PLAGL1: variants seen among roughly 807,000 people sequenced by gnomAD.
The protein encoded by PLAGL1 is PLAG1 like zinc finger 1, also known as zinc finger protein PLAGL1.
PLAGL1 carries 1 observed loss-of-function variant against 4.6 expected under a neutral mutation model. That is an observed-to-expected ratio of 0.22 (90% CI 0.08 to 1.03). The LOEUF is 1.03. Ranked by LOEUF, PLAGL1 falls within the 50% of genes least tolerant of loss-of-function variation. The probability of loss-of-function intolerance (pLI) is 0.58; values close to 1 mark genes in which losing one functional copy is unlikely to be tolerated. For synonymous variants in PLAGL1, 240 were observed against 237.8 expected (o/e 1.01, Z -0.08); for missense variants, 464 against 570.4 (o/e 0.81, Z 1.90).
chr6:143,976,879 A>G (rs1054249908), intron 2 of PLAGL1, among the ~76,000 whole-genome samples: 5 of 152,246 alleles, frequency 3.3e-5, no homozygotes, highest in Non-Finnish European at 7.3e-5. Context: ...CTTCTCTTCT[A>G]ACATAGACAT....
At position 144,036,071 on chromosome 6, in the gene PLAGL1, G is replaced by C. The variant is rs1797216236; in HGVS notation, c.-151+28397C>G. Among the ~76,000 whole-genome samples, 1 of 152,122 alleles carries C rather than the reference G, an allele frequency of 6.6e-6. No individual in the cohort carries two copies. Among genetic ancestry groups the C allele is most frequent in the Non-Finnish European group, 1.5e-5 (1 of 68,022 alleles). On this transcript the variant is annotated intron_variant, in intron 1 of 3. Transcript: ENST00000437412. This position sits in a 1 kb window ranked among gnomAD's most constrained non-coding sequence, Gnocchi z 5.1. ...CCTCAATGCAGGACTCCAACCCCAA[G>C]AAAGTGCTTCAAGGACACCCCAGGT...
intron 1 of PLAGL1, among the ~76,000 whole-genome samples, chr6:144,029,862 G>C (rs1796669892): frequency 6.6e-6 from 1 of 152,154 alleles, no homozygotes; most frequent in South Asian, 2.1e-4. Flanking sequence ...CCACTTTTAA[G>C]AATATGTCCT....
chr6:143,943,586 A>T (rs1431644027), intron 7 of PLAGL1, among the ~76,000 whole-genome samples: 2 of 152,128 alleles, frequency 1.3e-5, no homozygotes, highest in Non-Finnish European at 2.9e-5. Flanking sequence ...CTTATCTCTG[A>T]TGCTGCTGCC....
rs950486615 is a variant in PLAGL1 at position 144,013,757 on chromosome 6, C to A, written c.-150-44779G>T. On this transcript the variant is annotated intron_variant, in intron 1 of 3. Coordinates refer to the PLAGL1 transcript ENST00000437412. This position sits in a 1 kb window ranked among gnomAD's most constrained non-coding sequence, Gnocchi z 4.4. ...CTTCTCTGTGCGTGCCATGTGCTTT[C>A]TCCTGTGTGTATCTCTCTTATAGGG... Among the ~76,000 whole-genome samples the A allele has an allele frequency of 2.0e-5, 3 of 152,236 alleles. No homozygotes were observed. The highest frequency in any genetic ancestry group is 1.9e-4 in the East Asian group (1 of 5,200).
Position 144,015,657 on chromosome 6 carries a change from G to T in PLAGL1, c.-150-46679C>A, listed in dbSNP as rs1344902237. Reference sequence around the variant, plus strand: ...AAACATCATTTCCCCAATGATTAATGCAAATCAAAACTACAGTGAAATACC... The same window carrying T: ...AAACATCATTTCCCCAATGATTAATTCAAATCAAAACTACAGTGAAATACC... On this transcript the variant is annotated intron_variant, in intron 1 of 3. Coordinates refer to the PLAGL1 transcript ENST00000437412. This position sits in a 1 kb window ranked among gnomAD's most constrained non-coding sequence, Gnocchi z 4.3. 2.6e-5 allele frequency among the ~76,000 whole-genome samples: 4 copies of T among 152,136 alleles called. No homozygotes were observed. The highest frequency in any genetic ancestry group is 9.7e-5 in the African/African-American group (4 of 41,424).
chr6:144,018,444 T>C (rs1795722188), intron 1 of PLAGL1, among the ~76,000 whole-genome samples: 1 of 152,118 alleles, frequency 6.6e-6, no homozygotes, highest in Non-Finnish European at 1.5e-5. Flanking sequence ...GAGGAATAAG[T>C]TCAAGATTTC....
rs1396284824 is a variant in PLAGL1 at position 143,989,232 on chromosome 6, C to A, written c.-583-4058G>T. 6.6e-6 allele frequency among the ~76,000 whole-genome samples: 1 copy of A among 152,134 alleles called. No individual in the cohort carries two copies. Among genetic ancestry groups the A allele is most frequent in the Non-Finnish European group, 1.5e-5 (1 of 68,020 alleles). On this transcript the variant is annotated intron_variant, in intron 1 of 7. Transcript: ENST00000674357. This position sits in a 1 kb window ranked among gnomAD's most constrained non-coding sequence, Gnocchi z 4.8. ...TGGAAAGGCTACTACAGTAGAAATG[C>A]AGGGAGGACTCAGAGATGAGTTCTC... is the stretch of plus-strand genomic sequence containing the variant.
In PLAGL1 at chr6:143,945,715, T is replaced by C. The variant is rs907732465; in HGVS notation, c.152+2270A>G. Among the ~76,000 whole-genome samples the C allele has an allele frequency of 1.3e-5, 2 of 152,312 alleles. No individual in the cohort carries two copies. The highest frequency in any genetic ancestry group is 3.9e-4 in the East Asian group (2 of 5,180). On this transcript the variant is annotated intron_variant, in intron 7 of 7. Transcript: ENST00000674357. The surrounding 1 kb of genome is among the most constrained non-coding windows in gnomAD (Gnocchi z 4.2). ...TTATCTCGATCTGTTGACCTCATGA[T>C]CCACCCACCTCGGCCTCCCAAAGTG... is the stretch of plus-strand genomic sequence containing the variant.
At position 143,940,900 on chromosome 6, in the gene PLAGL1, A is replaced by C. The variant is rs1778435357; in HGVS notation, c.*524T>G. ...CTCCACAAGAAAATGTATATGTAAA[A>C]CTACAGGTTGGCTATGGTAATAGTA... On this transcript the variant is annotated 3_prime_UTR_variant, in exon 8 of 8. Transcript: ENST00000674357. 1 of 152,682 alleles carries C rather than the reference A, an allele frequency of 6.5e-6. No homozygotes were observed. Among genetic ancestry groups the C allele is most frequent in the African/African-American group, 2.4e-5 (1 of 41,476 alleles). The allele number at this position is 152,682 out of a possible 1,614,324, so 9.5% of individuals were successfully genotyped here.
At chr6:144,009,148 ACCTCCACC>A (rs1163327528), upstream of PLAGL1, among the ~76,000 whole-genome samples, 9 of 152,276 alleles carry the variant, frequency 5.9e-5, no homozygotes, top group African/African-American at 1.4e-4. Flanking sequence ...AGCATCATAC[ACCTCCACC>A]TACCTTTAGG....
At chr6:144,023,298 T>C (rs1796102460) in intron 1 of PLAGL1, among the ~76,000 whole-genome samples, 1 of 152,176 alleles carries the variant, frequency 6.6e-6, no homozygotes, top group African/African-American at 2.4e-5. Flanking sequence ...GAAGCTATTG[T>C]GTATGATAAC....
Position 143,955,211 on chromosome 6 carries a change from G to A in PLAGL1, c.-325+5258C>T, listed in dbSNP as rs1439176212. The stretch of plus-strand genomic sequence containing the variant: ...AAGGTGTCACAGAGAAGTAAAAGTT[G>A]AAGCTAGCGTAGAAGTTTACAACGT... On this transcript the variant is annotated intron_variant, in intron 6 of 7. Coordinates refer to ENST00000674357, the MANE Select transcript of PLAGL1 (RefSeq NM_001317162.2). The surrounding 1 kb of genome is among the most constrained non-coding windows in gnomAD (Gnocchi z 4.9). Among the ~76,000 whole-genome samples the A allele has an allele frequency of 1.3e-5, 2 of 152,172 alleles. No homozygotes were observed. The highest frequency in any genetic ancestry group is 4.8e-5 in the African/African-American group (2 of 41,426).
rs1385335520 is a variant in PLAGL1, at chr6:144,053,898, T to C, written c.-151+10570A>G. ...TCTTTAAGAAGCTGCAGGAAAGTCT[T>C]TGATTATATTAATTATCACATGAAT... On this transcript the variant is annotated intron_variant, in intron 1 of 3. Coordinates refer to the PLAGL1 transcript ENST00000437412. The surrounding 1 kb of genome is among the most constrained non-coding windows in gnomAD (Gnocchi z 4.0). Among the ~76,000 whole-genome samples the C allele has an allele frequency of 6.6e-6, 1 of 152,216 alleles. No individual in the cohort carries two copies. Among genetic ancestry groups the C allele is most frequent in the East Asian group, 1.9e-4 (1 of 5,206 alleles).
At chr6:144,057,776 ATTTTTT>A (rs60234022) in intron 1 of PLAGL1, among the ~76,000 whole-genome samples, 1 of 137,218 alleles carries the variant, frequency 7.3e-6, no homozygotes. Context: ...ACGCCTCACC[ATTTTTT>A]TTTTTTTTTT....
chr6:143,980,319 C>T (rs1787634260), intron 2 of PLAGL1, among the ~76,000 whole-genome samples: 1 of 151,650 alleles, frequency 6.6e-6, no homozygotes, highest in African/African-American at 2.4e-5. Context: ...TTGGGGACTC[C>T]AATTACATAC....
At chr6:143,999,883 C>T (rs1792466649) in intron 1 of PLAGL1, among the ~76,000 whole-genome samples, 1 of 152,068 alleles carries the variant, frequency 6.6e-6, no homozygotes. Context: ...ACAATTCTTA[C>T]CCCTTTTTAT....
In PLAGL1 at chr6:143,941,475, T is replaced by A. The variant is rs753984271; in HGVS notation, c.1341A>T (p.Ser447=). Residue 447 remains serine, a synonymous_variant, in exon 8 of 8, where the codon TCA becomes TCT. Transcript: ENST00000674357. The surrounding 1 kb of genome is among the most constrained non-coding windows in gnomAD (Gnocchi z 6.0). The part of the protein sequence containing the change: ...LPLPPIPHVF[S]AGTGSAILPH... Reference sequence around the variant, plus strand: ...GCAGGATGGCAGAGCCAGTGCCAGCTGAGAACACATGAGGGATGGGGGGCA... The same window carrying A: ...GCAGGATGGCAGAGCCAGTGCCAGCAGAGAACACATGAGGGATGGGGGGCA... 1 of 1,514,742 alleles carries A rather than the reference T, an allele frequency of 6.6e-7. No homozygotes were observed. Among genetic ancestry groups the A allele is most frequent in the Admixed American group, 2.3e-5 (1 of 44,202 alleles). The allele number at this position is 1,514,742 out of a possible 1,614,324, so 93.8% of individuals were successfully genotyped here. A position where few individuals can be genotyped will look rare whatever the true frequency, so the allele number is the denominator to read the frequency against.
At chr6:144,014,612 C>G (rs1221298437) in intron 1 of PLAGL1, among the ~76,000 whole-genome samples, 1 of 152,116 alleles carries the variant, frequency 6.6e-6, no homozygotes, top group Non-Finnish European at 1.5e-5. Flanking sequence ...CACAGTCTGG[C>G]TCTGTCGCCC....
rs1298701334 is a variant in PLAGL1 at position 144,017,228 on chromosome 6, C to A, written c.-151+47240G>T. The stretch of plus-strand genomic sequence containing the variant: ...TTTTTTTAAAGCGCATCGCTTCTGG[C>A]CAAACTACCTCTTGCTGGTCTTATT... On this transcript the variant is annotated intron_variant, in intron 1 of 3. Transcript: ENST00000437412. Among the ~76,000 whole-genome samples the A allele has an allele frequency of 4.6e-5, 7 of 152,088 alleles. No homozygotes were observed. In the East Asian group the frequency reaches 1.2e-3, roughly 25 times the overall value.
Sources: allele counts gnomAD v4.1 joint callset (sites outside exome capture counted in the v4.1 genomes callset), GRCh38; gene constraint gnomAD v4.1.1; non-coding constraint Gnocchi (gnomAD v3.1); transcripts MANE v1.5; gene names NCBI Gene and HGNC (gene_info 2026-07-23, HGNC 2026-07-21).